SCAPER: variants seen among roughly 807,000 people sequenced by gnomAD.
The protein encoded by SCAPER is S-phase cyclin A associated protein in the ER.
Under a neutral mutation model 182.2 loss-of-function variants are expected in SCAPER, and 98 were observed. The observed-to-expected ratio is 0.54, with a 90% CI of 0.46 to 0.64. The LOEUF is 0.64. Among genes scored for constraint, SCAPER ranks in the 30% least tolerant of loss-of-function variants. SCAPER has a pLI of 0.00. For synonymous variants in SCAPER, 605 were observed against 564.6 expected, an observed-to-expected ratio of 1.07 and a Z score of -1.01; for missense variants, 1,432 against 1,690.0, an observed-to-expected ratio of 0.85 and a Z score of 2.68.
chr15:76,686,768 C>A (rs1333615095), intron 20 of SCAPER, among the ~76,000 whole-genome samples: 1 of 151,988 alleles, frequency 6.6e-6, no homozygotes, highest in African/African-American at 2.4e-5. Flanking sequence ...CATTATAATA[C>A]TGAAGGAAAA....
chr15:76,767,139 A>G (rs1598606853), intron 10 of SCAPER, 51 bp from the exon 11 acceptor site: 1 of 1,439,650 alleles, frequency 6.9e-7, no homozygotes, highest in Admixed American at 2.4e-5. Context: ...ACTTGACTGG[A>G]AAGTAATCAT....
chr15:76,378,711 C>G (rs904955263), intron 28 of SCAPER, among the ~76,000 whole-genome samples: 1 of 152,132 alleles, frequency 6.6e-6, no homozygotes, highest in Admixed American at 6.5e-5. Context: ...ACTTCTGAGG[C>G]TAAGTCATAA....
chr15:76,477,515 T>C lies in SCAPER; in HGVS notation c.2955-6180A>G, dbSNP rs758415447. 2.0e-4 allele frequency among the ~76,000 whole-genome samples: 31 copies of C among 152,168 alleles called. 1 individual carries two copies. The highest frequency in any genetic ancestry group is 4.0e-4 in the Non-Finnish European group (27 of 68,012). On this transcript the variant is annotated intron_variant, in intron 24 of 31. Coordinates refer to ENST00000563290, the MANE Select transcript of SCAPER (RefSeq NM_020843.4). ...CTTCCCTAGGATAAATTTCCAATAATGATAATTTGAGTCAAAGAATATGAA... is the reference window on the plus strand; with the variant it reads ...CTTCCCTAGGATAAATTTCCAATAACGATAATTTGAGTCAAAGAATATGAA...
intron 4 of SCAPER, among the ~76,000 whole-genome samples, chr15:76,856,578 T>A (rs1260481540): frequency 1.3e-5 from 2 of 151,688 alleles, no homozygotes; most frequent in East Asian, 3.9e-4. Flanking sequence ...GGTGCCTTTG[T>A]GTGTGGGGAT....
chr15:76,521,003 T>C (rs1341013276), intron 23 of SCAPER, among the ~76,000 whole-genome samples: 1 of 152,222 alleles, frequency 6.6e-6, no homozygotes, highest in Admixed American at 6.5e-5. Context: ...ACTTTTAGAT[T>C]AGAGATAGCT....
At chr15:76,743,473 T>C (rs1567989503) in intron 15 of SCAPER, among the ~76,000 whole-genome samples, 1 of 152,120 alleles carries the variant, frequency 6.6e-6, no homozygotes, top group Non-Finnish European at 1.5e-5. Context: ...AAAATCAATG[T>C]ACAAAAATCA....
At chr15:76,716,475 T>A (rs1304895447) in intron 17 of SCAPER, among the ~76,000 whole-genome samples, 1 of 151,186 alleles carries the variant, frequency 6.6e-6, no homozygotes, top group East Asian at 1.9e-4. Flanking sequence ...GAAACAGAAA[T>A]CTACAAATTT....
intron 8 of SCAPER, among the ~76,000 whole-genome samples, chr15:76,777,566 T>C (rs771900109): frequency 5.5e-4 from 83 of 152,092 alleles, no homozygotes; most frequent in Middle Eastern, 3.4e-3. Flanking sequence ...TGGTGGCACA[T>C]GCCTGTAATC....
intron 7 of SCAPER, among the ~76,000 whole-genome samples, chr15:76,796,104 AT>A (rs1451026038): frequency 6.6e-6 from 1 of 152,200 alleles, no homozygotes; most frequent in East Asian, 1.9e-4. Context: ...TAATTCGTCA[AT>A]CTTGATAAAG....
intron 24 of SCAPER, among the ~76,000 whole-genome samples, chr15:76,481,587 T>C (rs192660787): frequency 6.6e-6 from 1 of 152,350 alleles, no homozygotes; most frequent in Non-Finnish European, 1.5e-5. Flanking sequence ...GCTTAGTTAG[T>C]TGTTATAAGG....
chr15:76,749,031 T>A (rs983209440), intron 15 of SCAPER, among the ~76,000 whole-genome samples: 8 of 151,912 alleles, frequency 5.3e-5, no homozygotes, highest in South Asian at 4.2e-4. Context: ...AGCCAGCATA[T>A]CCTGTTACCA....
chr15:76,851,756 G>A (rs1337275485), intron 4 of SCAPER, among the ~76,000 whole-genome samples: 1 of 152,048 alleles, frequency 6.6e-6, no homozygotes, highest in African/African-American at 2.4e-5. Flanking sequence ...ACAGATCAGG[G>A]ACACTATAAA....
Position 76,521,969 on chromosome 15 carries a change from T to C in SCAPER, c.2839-16995A>G, listed in dbSNP as rs1450015151. Reference sequence around the variant, plus strand: ...TGAATATAAGGATGTTAATGCATTATTCAGAAATGCATTATACATTTTACT... The same window carrying C: ...TGAATATAAGGATGTTAATGCATTACTCAGAAATGCATTATACATTTTACT... On this transcript the variant is annotated intron_variant, in intron 23 of 31. Transcript: ENST00000563290. Among the ~76,000 whole-genome samples the C allele has an allele frequency of 2.0e-5, 3 of 152,148 alleles. No homozygotes were observed. In the East Asian group the frequency reaches 5.8e-4, roughly 29 times the overall value.
chr15:76,661,574 T>TA (rs897856641), intron 21 of SCAPER, among the ~76,000 whole-genome samples: 1 of 151,878 alleles, frequency 6.6e-6, no homozygotes, highest in Non-Finnish European at 1.5e-5. Flanking sequence ...AAACATATAT[T>TA]AAAAAAAGGT....
chr15:76,482,755 C>CA lies in SCAPER; in HGVS notation c.2955-11421dup, dbSNP rs34570671. 8.6e-5 allele frequency among the ~76,000 whole-genome samples: 13 copies of CA among 152,022 alleles called. 1 individual carries two copies. Among genetic ancestry groups the CA allele is most frequent in the African/African-American group, 2.4e-4 (10 of 41,384 alleles). ...AACATGGTATCATTTAAATTAGCACCAAAAAAAAGAGAAATATTCAAGTAT... is the reference window on the plus strand; with the variant it reads ...AACATGGTATCATTTAAATTAGCACCAAAAAAAAAGAGAAATATTCAAGTAT... On this transcript the variant is annotated intron_variant, in intron 24 of 31. Coordinates refer to ENST00000563290, the MANE Select transcript of SCAPER (RefSeq NM_020843.4).
chr15:76,775,067 G>A lies in SCAPER; in HGVS notation c.823C>T (p.Arg275Cys), dbSNP rs917184824. The change falls in exon 9 of 32, where the codon CGT (arginine) becomes TGT (cysteine). Residue 275 changes from arginine to cysteine, a missense_variant. By Grantham distance (180) the Arg-to-Cys change is radical. Transcript: ENST00000563290. ...WETVQRGRPI[R>C]SRSTAVMPKV... ...GGCATCACTGCTGTTGATCGAGAAC[G>A]AATAGGCCTTCCTCTCTGAACGGTC... 8.1e-6 allele frequency: 13 copies of A among 1,613,658 alleles called. No individual in the cohort carries two copies. The highest frequency in any genetic ancestry group is 2.2e-5 in the South Asian group (2 of 91,066).
chr15:76,453,976 C>G (rs2048549727), intron 25 of SCAPER, among the ~76,000 whole-genome samples: 1 of 152,158 alleles, frequency 6.6e-6, no homozygotes, highest in African/African-American at 2.4e-5. Flanking sequence ...TAAGTACATT[C>G]TTTCCTCATA....
chr15:76,370,669 A>G (rs1461095955), intron 29 of SCAPER, among the ~76,000 whole-genome samples: 5 of 152,172 alleles, frequency 3.3e-5, no homozygotes, highest in Non-Finnish European at 5.9e-5. Context: ...ATCCACTTCC[A>G]GAACCAATTT....
chr15:76,632,718 T>C (rs1238478610), intron 21 of SCAPER, among the ~76,000 whole-genome samples: 1 of 152,090 alleles, frequency 6.6e-6, no homozygotes, highest in African/African-American at 2.4e-5. Context: ...TTTGCATTGA[T>C]TCTTTCTCAT....
Sources: allele counts gnomAD v4.1 joint callset (sites outside exome capture counted in the v4.1 genomes callset), GRCh38; gene constraint gnomAD v4.1.1; transcripts MANE v1.5; gene names NCBI Gene and HGNC (gene_info 2026-07-23, HGNC 2026-07-21).